The following PHACTR3 variants were observed in gnomAD, a reference collection of about 807,000 sequenced individuals.
PHACTR3 encodes protein phosphatase 1, regulatory subunit 123.
A neutral mutation model predicts 66.8 loss-of-function variants in PHACTR3; 16 were observed. The ratio of observed to expected loss-of-function variants is 0.24; its 90% confidence interval spans 0.16 to 0.36. The LOEUF is 0.36. PHACTR3 is among the 10% of genes least tolerant of loss of function. PHACTR3 has a pLI of 1.00. For synonymous variants in PHACTR3, 323 were observed against 292.1 expected, an observed-to-expected ratio of 1.11 and a Z score of -1.08; for missense variants, 647 against 719.9, an observed-to-expected ratio of 0.90 and a Z score of 1.16.
intron 7 of PHACTR3, among the ~76,000 whole-genome samples, chr20:59,777,904 G>A (rs8123124): frequency 0.34 from 52,092 of 151,784 alleles, 11,816 homozygotes; most frequent in East Asian, 0.67. Context: ...TGGACTCTAC[G>A]CATGCGTCCA....
rs992541898 is a variant in PHACTR3, at chr20:59,830,643, G to A, written c.1329-5862G>A. On this transcript the variant is annotated intron_variant, in intron 8 of 12. Transcript: ENST00000371015. This position sits in a 1 kb window ranked among gnomAD's most constrained non-coding sequence, Gnocchi z 5.8. ...GGTGGAAGAGACCTGGGCTCAGCAC[G>A]CCAGGTGAATAATATCAGTGCTATA... 2.0e-5 allele frequency among the ~76,000 whole-genome samples: 3 copies of A among 152,288 alleles called. No homozygotes were observed. Among genetic ancestry groups the A allele is most frequent in the South Asian group, 2.1e-4 (1 of 4,822 alleles).
rs2035791754 is a variant in PHACTR3 at position 59,661,160 on chromosome 20, G to T, written c.118+56028G>T. On this transcript the variant is annotated intron_variant, in intron 1 of 12. Coordinates refer to ENST00000371015, the MANE Select transcript of PHACTR3 (RefSeq NM_080672.5). ...GATTCTAGGGGCATGATTAGCAGAA[G>T]GGCACGCCCGGGTACCGTGACTTTG... is the stretch of plus-strand genomic sequence containing the variant. 2.0e-5 allele frequency among the ~76,000 whole-genome samples: 3 copies of T among 152,198 alleles called. No individual in the cohort carries two copies. In the South Asian group the frequency reaches 6.2e-4, roughly 32 times the overall value.
chr20:59,612,623 A>G (rs2033889173), intron 1 of PHACTR3, among the ~76,000 whole-genome samples: 1 of 152,112 alleles, frequency 6.6e-6, no homozygotes, highest in South Asian at 2.1e-4. Context: ...TGACCTTGTG[A>G]TCCGCCCACT....
rs774344954 is a variant in PHACTR3 at position 59,620,787 on chromosome 20, G to C, written c.118+15655G>C. ...TTCTCATCACACCCTTTCCCACCCTGGGAATCCTCGCCTGCCAGTTGTCAC... is the reference window on the plus strand; with the variant it reads ...TTCTCATCACACCCTTTCCCACCCTCGGAATCCTCGCCTGCCAGTTGTCAC... On this transcript the variant is annotated intron_variant, in intron 1 of 12. Coordinates refer to ENST00000371015, the MANE Select transcript of PHACTR3 (RefSeq NM_080672.5). Among the ~76,000 whole-genome samples, 119 of 152,280 alleles carry C rather than the reference G, an allele frequency of 7.8e-4. 1 individual carries two copies. Among genetic ancestry groups the C allele is most frequent in the South Asian group, 1.5e-3 (7 of 4,822 alleles).
intron 8 of PHACTR3, among the ~76,000 whole-genome samples, chr20:59,832,713 G>C (rs2042419240): frequency 6.6e-6 from 1 of 152,142 alleles, no homozygotes; most frequent in Admixed American, 6.5e-5. Flanking sequence ...AGGCTGTGTG[G>C]GTCCTGCCCC....
chr20:59,604,225 G>C (rs2033575302), upstream of PHACTR3, among the ~76,000 whole-genome samples: 1 of 152,200 alleles, frequency 6.6e-6, no homozygotes, highest in Admixed American at 6.5e-5. Context: ...TCCCAGGAGA[G>C]GAAGGACCAG....
chr20:59,845,052 C>T, intron 11 of PHACTR3, 137 bp from the exon 12 acceptor site: 1 of 553,606 alleles, frequency 1.8e-6, no homozygotes, highest in African/African-American at 1.9e-5. Context: ...AATGATGAAC[C>T]AAAAAATTGT....
intron 8 of PHACTR3, among the ~76,000 whole-genome samples, chr20:59,823,834 C>T (rs940936211): frequency 3.3e-5 from 5 of 152,214 alleles, no homozygotes; most frequent in Admixed American, 1.3e-4. Context: ...ATTTTACACC[C>T]ATATGAGATC....
chr20:59,766,681 C>A (rs1480597589), intron 4 of PHACTR3, among the ~76,000 whole-genome samples: 3 of 152,166 alleles, frequency 2.0e-5, no homozygotes, highest in Non-Finnish European at 4.4e-5. Context: ...CTGCTGCAAA[C>A]AGACAAATAA....
At chr20:59,750,350 A>G (rs1254126932) in intron 3 of PHACTR3, among the ~76,000 whole-genome samples, 1 of 152,054 alleles carries the variant, frequency 6.6e-6, no homozygotes, top group East Asian at 1.9e-4. Flanking sequence ...GGCAGCAGTT[A>G]AATTAGATGC....
At chr20:59,831,605 G>A (rs1032436302) in intron 8 of PHACTR3, among the ~76,000 whole-genome samples, 1 of 152,112 alleles carries the variant, frequency 6.6e-6, no homozygotes, top group African/African-American at 2.4e-5. Flanking sequence ...AATCCCACAG[G>A]GGTTCTACAC....
At chr20:59,776,745 G>GGCAACGTGGTTGAGCCA (rs1568810109) in intron 7 of PHACTR3, among the ~76,000 whole-genome samples, 1 of 150,920 alleles carries the variant, frequency 6.6e-6, no homozygotes, top group Admixed American at 6.6e-5. Context: ...AACCCTCTGT[G>GGCAACGTGGTTGAGCCA]GCAGCGTGGT....
At chr20:59,579,432 C>A (rs951938757) in intron 1 of PHACTR3, among the ~76,000 whole-genome samples, 6 of 152,124 alleles carry the variant, frequency 3.9e-5, no homozygotes, top group African/African-American at 1.4e-4. Context: ...TGGGATGCTG[C>A]GGGGAGCAGG....
intron 4 of PHACTR3, among the ~76,000 whole-genome samples, chr20:59,760,557 T>C (rs2039962104): frequency 6.6e-6 from 1 of 152,234 alleles, no homozygotes; most frequent in Non-Finnish European, 1.5e-5. Flanking sequence ...CATTCTCTTT[T>C]GTCTGCCACC....
In PHACTR3 at chr20:59,747,837, T is replaced by G. The variant is rs1601253261; in HGVS notation, c.358+2T>G. ...GGCTGCTGGAGATGATGGAGCAGGG[T>G]AAGTGGGACCCGTCCCTGGCTTGGA... On this transcript the variant is annotated splice_donor_variant, in intron 3 of 12. Coordinates refer to ENST00000371015, the MANE Select transcript of PHACTR3 (RefSeq NM_080672.5). LOFTEE classifies it high-confidence loss of function. 1 of 1,613,348 alleles carries G rather than the reference T, an allele frequency of 6.2e-7. No individual in the cohort carries two copies. The highest frequency in any genetic ancestry group is 8.5e-7 in the Non-Finnish European group (1 of 1,179,754).
At chr20:59,713,496 A>G (rs955803498) in intron 1 of PHACTR3, among the ~76,000 whole-genome samples, 3 of 152,206 alleles carry the variant, frequency 2.0e-5, no homozygotes, top group Non-Finnish European at 4.4e-5. Context: ...TGAGTCTTAC[A>G]TAATTGGAAC....
At chr20:59,658,977 T>A (rs1316045136) in intron 1 of PHACTR3, among the ~76,000 whole-genome samples, 3 of 151,392 alleles carry the variant, frequency 2.0e-5, no homozygotes, top group African/African-American at 7.3e-5. Context: ...TTTCTCTGCC[T>A]ATTCTGTCAT....
chr20:59,723,317 C>T (rs1438093073), intron 1 of PHACTR3, among the ~76,000 whole-genome samples: 1 of 151,970 alleles, frequency 6.6e-6, no homozygotes, highest in African/African-American at 2.4e-5. Context: ...CCCTGGCAAC[C>T]GTGAATCTAC....
At chr20:59,649,518 C>T (rs570620784) in intron 1 of PHACTR3, among the ~76,000 whole-genome samples, 22 of 152,098 alleles carry the variant, frequency 1.4e-4, no homozygotes, top group East Asian at 3.9e-4. Context: ...ATATAAAGGA[C>T]GGTTGGAATT....
Sources: gnomAD v4.1 joint callset for allele counts (sites outside exome capture counted in the v4.1 genomes callset) on GRCh38, gnomAD v4.1.1 for gene constraint, Gnocchi (gnomAD v3.1) non-coding constraint, MANE v1.5 for transcripts, NCBI Gene and HGNC (gene_info 2026-07-23, HGNC 2026-07-21) for gene names.